PHF19: variants seen among roughly 807,000 people sequenced by gnomAD.
PHF19 encodes PHD finger protein 19, also known as polycomb like 3.
In PHF19, 21 loss-of-function variants were observed where a neutral mutation model predicts 79.8. That is an observed-to-expected ratio of 0.26 (90% CI 0.19 to 0.38). The LOEUF (loss-of-function observed/expected upper bound fraction) is 0.38, where lower values mean the gene tolerates loss of function less well. PHF19 is among the 10% of genes least tolerant of loss of function. The pLI is 1.00. For missense variants in PHF19, 445 were observed against 744.2 expected (o/e 0.60, Z 4.68); for synonymous variants, 273 against 296.3 (o/e 0.92, Z 0.81).
At chr9:120,878,246 A>G (rs1175407014), upstream of PHF19, among the ~76,000 whole-genome samples, 1 of 152,228 alleles carries the variant, frequency 6.6e-6, no homozygotes, top group Non-Finnish European at 1.5e-5. Flanking sequence ...AGGGCACACA[A>G]TGAAAGACAA....
intron 1 of PHF19, among the ~76,000 whole-genome samples, chr9:120,892,332 C>G (rs1008411237): frequency 6.6e-6 from 1 of 152,074 alleles, no homozygotes; most frequent in Middle Eastern, 3.4e-3. Flanking sequence ...TGGGCCAGCA[C>G]GGAGTAGGAG....
Position 120,874,113 on chromosome 9 carries a change from C to T in PHF19, c.187-53G>A. The T allele has an allele frequency of 2.1e-6, 2 of 937,384 alleles. No individual in the cohort carries two copies. The highest frequency in any genetic ancestry group is 3.4e-6 in the Non-Finnish European group (2 of 580,234). The allele number at this position is 937,384 out of a possible 1,614,324, so 58.1% of individuals were successfully genotyped here. On this transcript the variant is annotated intron_variant, in intron 2 of 14. Coordinates refer to ENST00000373896, the MANE Select transcript of PHF19 (RefSeq NM_015651.3). The surrounding 1 kb of genome is among the most constrained non-coding windows in gnomAD (Gnocchi z 4.5). ...GAGAAAGGGCTGGGGAAAAGCCAACCTGGAACATAGTCTTCCTCCCCCATT... is the reference window on the plus strand; with the variant it reads ...GAGAAAGGGCTGGGGAAAAGCCAACTTGGAACATAGTCTTCCTCCCCCATT...
At chr9:120,904,117 G>A in the PHF19 span, 2 of 152,380 alleles carry the variant, frequency 1.3e-5, no homozygotes, top group Admixed American at 1.3e-4. Context: ...GGCAGGAAGA[G>A]GAAAGTTTAT....
intron 6 of PHF19, chr9:120,868,278 ACT>A (rs1453058803): frequency 6.6e-6 from 1 of 152,100 alleles, no homozygotes; most frequent in Non-Finnish European, 1.5e-5. Context: ...GGTTCCACTG[ACT>A]CTGACTGTGA....
chr9:120,875,751 C>T (rs1014144281), intron 1 of PHF19: 2 of 152,628 alleles, frequency 1.3e-5, no homozygotes, highest in African/African-American at 2.4e-5. Context: ...GCCGTTCCTG[C>T]ATTCCTGCCT....
chr9:120,869,113 G>C lies in PHF19; in HGVS notation c.614+69C>G. 6.7e-7 allele frequency: 1 copy of C among 1,492,078 alleles called. No homozygotes were observed. Among genetic ancestry groups the C allele is most frequent in the South Asian group, 1.3e-5 (1 of 78,822 alleles). 92.4% of individuals were successfully genotyped at this position (1,492,078 alleles called of 1,614,324 possible). On this transcript the variant is annotated intron_variant, in intron 6 of 14. Transcript: ENST00000373896. This position sits in a 1 kb window ranked among gnomAD's most constrained non-coding sequence, Gnocchi z 5.8. ...CTGACACGCCAGGCTCGCTCCCTAT[G>C]GGCGGTCCCTGCTGGCGATTCTTGG...
upstream of PHF19, among the ~76,000 whole-genome samples, chr9:120,880,711 G>C (rs59601145): frequency 0.01 from 1,560 of 152,316 alleles, 23 homozygotes; most frequent in African/African-American, 0.036. Context: ...CTGTATTCCA[G>C]CGCTTTGGGA....
In PHF19 at chr9:120,869,338, G is replaced by T. The variant is rs377523519; in HGVS notation, c.466-8C>A. ...CTTCAGCGCGCCGCCTTTCTGGGGG[G>T]AGACGAGGGCCCCAGTCAACCACCA... On this transcript the variant is annotated splice_region_variant and splice_polypyrimidine_tract_variant and intron_variant, in intron 5 of 14. Coordinates refer to ENST00000373896, the MANE Select transcript of PHF19 (RefSeq NM_015651.3). This position sits in a 1 kb window ranked among gnomAD's most constrained non-coding sequence, Gnocchi z 5.8. 2 of 1,610,772 alleles carry T rather than the reference G, an allele frequency of 1.2e-6. No homozygotes were observed. The highest frequency in any genetic ancestry group is 1.7e-5 in the Admixed American group (1 of 59,810).
chr9:120,863,002 G>C (rs1314007726), intron 10 of PHF19: 2 of 470,920 alleles, frequency 4.2e-6, no homozygotes, highest in Non-Finnish European at 7.7e-6. Context: ...TCTCCCTTTT[G>C]TTTGCCTCAA....
rs759454660 is a variant in PHF19 at position 120,872,066 on chromosome 9, A to AAAG, written c.269-1531_269-1529dup. Among the ~76,000 whole-genome samples, 19 of 148,592 alleles carry AAAG rather than the reference A, an allele frequency of 1.3e-4. 1 individual carries two copies. Among genetic ancestry groups the AAAG allele is most frequent in the Non-Finnish European group, 2.2e-4 (15 of 66,870 alleles). ...AAAAAAAAAAAAAAAAAAAAAAAAA[A>AAAG]AAGAAATGGTACCTCTTCATCTCTG... On this transcript the variant is annotated intron_variant, in intron 3 of 14. Transcript: ENST00000373896.
rs371737623 is a variant in PHF19 at position 120,858,291 on chromosome 9, A to G, written c.1401-5T>C. Reference sequence around the variant, plus strand: ...TTTCGGCTGCCCACTGTCCATCTGTATCAGAAGTGGGAGAGGAAGATGATG... The same window carrying G: ...TTTCGGCTGCCCACTGTCCATCTGTGTCAGAAGTGGGAGAGGAAGATGATG... On this transcript the variant is annotated splice_polypyrimidine_tract_variant and splice_region_variant and intron_variant, in intron 14 of 14. Transcript: ENST00000373896. 2.0e-5 allele frequency: 31 copies of G among 1,518,560 alleles called. No individual in the cohort carries two copies. The highest frequency in any genetic ancestry group is 2.7e-5 in the Non-Finnish European group (31 of 1,131,194). The allele number at this position is 1,518,560 out of a possible 1,614,324, so 94.1% of individuals were successfully genotyped here. A position where few individuals can be genotyped will look rare whatever the true frequency, so the allele number is the denominator to read the frequency against.
At chr9:120,861,707 C>T (rs2045530829) in intron 12 of PHF19, among the ~76,000 whole-genome samples, 1 of 152,154 alleles carries the variant, frequency 6.6e-6, no homozygotes, top group Non-Finnish European at 1.5e-5. Flanking sequence ...TATTACCTGC[C>T]TTTGCCCCCC....
chr9:120,870,049 G>A lies in PHF19; in HGVS notation c.365-104C>T, dbSNP rs1475581093. 6 of 1,470,714 alleles carry A rather than the reference G, an allele frequency of 4.1e-6. No homozygotes were observed. The highest frequency in any genetic ancestry group is 1.4e-5 in the African/African-American group (1 of 71,604). 91.1% of individuals were successfully genotyped at this position (1,470,714 alleles called of 1,614,324 possible). A position where few individuals can be genotyped will look rare whatever the true frequency, so the allele number is the denominator to read the frequency against. On this transcript the variant is annotated intron_variant, in intron 4 of 14. Transcript: ENST00000373896. This position sits in a 1 kb window ranked among gnomAD's most constrained non-coding sequence, Gnocchi z 4.4. The stretch of plus-strand genomic sequence containing the variant: ...GGGAGGGCTGAGGGAAGTCCTAGGA[G>A]CTCTGCCTGCCAGCTGCCGGGAGCC...
chr9:120,897,705 A>G (rs2046413472), upstream of PHF19, among the ~76,000 whole-genome samples: 1 of 152,174 alleles, frequency 6.6e-6, no homozygotes, highest in Admixed American at 6.5e-5. Context: ...TCAGCCGGGC[A>G]TGGTGGCTCA....
chr9:120,887,962 G>A (rs542345133), intron 1 of PHF19, among the ~76,000 whole-genome samples: 15 of 152,086 alleles, frequency 9.9e-5, no homozygotes, highest in African/African-American at 3.4e-4. Context: ...AATGACACGC[G>A]TGCACGTCTC....
intron 6 of PHF19, among the ~76,000 whole-genome samples, chr9:120,868,011 T>G (rs1564500386): frequency 6.6e-6 from 1 of 152,066 alleles, no homozygotes; most frequent in Non-Finnish European, 1.5e-5. Flanking sequence ...GGCCCCGACA[T>G]AGCATGCCCC....
upstream of PHF19, among the ~76,000 whole-genome samples, chr9:120,898,268 C>T (rs918525700): frequency 2.6e-5 from 4 of 152,162 alleles, no homozygotes; most frequent in African/African-American, 9.7e-5. Flanking sequence ...AGGCACCTGC[C>T]ACTACACCCA....
upstream of PHF19, among the ~76,000 whole-genome samples, chr9:120,878,046 G>A (rs1266682388): frequency 6.6e-6 from 1 of 152,208 alleles, no homozygotes; most frequent in Non-Finnish European, 1.5e-5. Context: ...GTGCCAGGTG[G>A]AGGGAATTCA....
At chr9:120,863,371 CCCA>C (rs1396061509) in intron 10 of PHF19, among the ~76,000 whole-genome samples, 1 of 151,854 alleles carries the variant, frequency 6.6e-6, no homozygotes, top group Admixed American at 6.6e-5. Flanking sequence ...TATTTTATTC[CCCA>C]CCATGACCTC....
Sources: allele counts gnomAD v4.1 joint callset (sites outside exome capture counted in the v4.1 genomes callset), GRCh38; gene constraint gnomAD v4.1.1; non-coding constraint Gnocchi (gnomAD v3.1); transcripts MANE v1.5; gene names NCBI Gene and HGNC (gene_info 2026-07-23, HGNC 2026-07-21).